The following KIF18A variants were observed in gnomAD, a reference collection of about 807,000 sequenced individuals.
The protein encoded by KIF18A is kinesin family member 18A.
In KIF18A, 67 loss-of-function variants were observed where a neutral mutation model predicts 103.3. The observed-to-expected ratio is 0.65, with a 90% CI of 0.53 to 0.79. The LOEUF is 0.79. Among genes scored for constraint, KIF18A ranks in the 30% least tolerant of loss-of-function variants. The pLI is 0.00. For synonymous variants in KIF18A, 367 were observed against 355.5 expected, an observed-to-expected ratio of 1.03 and a Z score of -0.36; for missense variants, 1,032 against 1,062.5, an observed-to-expected ratio of 0.97 and a Z score of 0.40.
chr11:28,029,329 C>T (rs1054273264), intron 15 of KIF18A, among the ~76,000 whole-genome samples: 1 of 152,114 alleles, frequency 6.6e-6, no homozygotes, highest in Non-Finnish European at 1.5e-5. Flanking sequence ...AGCTTATCCA[C>T]CATGAGCAAG....
At chr11:28,099,984 G>A (rs1316612705) in intron 1 of KIF18A, among the ~76,000 whole-genome samples, 1 of 152,144 alleles carries the variant, frequency 6.6e-6, no homozygotes, top group Non-Finnish European at 1.5e-5. Context: ...TGGCAGCAGA[G>A]GTGGTAAGTG....
At chr11:28,042,132 G>C (rs1640372506) in intron 13 of KIF18A, among the ~76,000 whole-genome samples, 1 of 151,746 alleles carries the variant, frequency 6.6e-6, no homozygotes, top group Non-Finnish European at 1.5e-5. Flanking sequence ...CTTATTCAGA[G>C]ACGATGAGTG....
rs1851187317 is a variant in KIF18A at position 28,083,203 on chromosome 11, TGA to T, written c.1113_1114del (p.Gln372IlefsTer6). 2 of 1,562,774 alleles carry T rather than the reference TGA, an allele frequency of 1.3e-6. No homozygotes were observed. The highest frequency in any genetic ancestry group is 1.7e-6 in the Non-Finnish European group (2 of 1,164,964). On this transcript the variant is annotated frameshift_variant, in exon 8 of 17. Coordinates refer to ENST00000263181, the MANE Select transcript of KIF18A (RefSeq NM_031217.4). LOFTEE classifies it high-confidence loss of function. ...CTGCTCATTACAGATCTTTACATATTGAGTTATATGATTATTGACATTAAGAA... is the reference window on the plus strand; with the variant it reads ...CTGCTCATTACAGATCTTTACATATTGTTATATGATTATTGACATTAAGAA...
At chr11:28,035,558 A>G in intron 14 of KIF18A, 64 bp from the exon 15 acceptor site, 1 of 900,204 alleles carries the variant, frequency 1.1e-6, no homozygotes. Flanking sequence ...GAGAAAAGGA[A>G]GCAAATGTGT....
intron 13 of KIF18A, among the ~76,000 whole-genome samples, chr11:28,051,741 C>A (rs1323051517): frequency 6.6e-6 from 1 of 151,984 alleles, no homozygotes; most frequent in Non-Finnish European, 1.5e-5. Flanking sequence ...TTAGTGATTT[C>A]ATCCTGTCCT....
intron 16 of KIF18A, among the ~76,000 whole-genome samples, chr11:28,021,842 T>A (rs1352125151): frequency 6.6e-6 from 1 of 152,216 alleles, no homozygotes; most frequent in Non-Finnish European, 1.5e-5. Context: ...CTCAACAAAG[T>A]GTTGTTACAA....
intron 15 of KIF18A, among the ~76,000 whole-genome samples, chr11:28,031,000 T>C (rs1850394382): frequency 6.6e-6 from 1 of 151,096 alleles, no homozygotes; most frequent in Non-Finnish European, 1.5e-5. Context: ...TCACACCAGT[T>C]AGAATGGCAA....
chr11:28,094,686 A>G lies in KIF18A; in HGVS notation c.440T>C (p.Ile147Thr). Residue 147 changes from isoleucine to threonine, a missense_variant, in exon 3 of 17, where the codon ATT becomes ACT. Coordinates refer to ENST00000263181, the MANE Select transcript of KIF18A (RefSeq NM_031217.4). ...AGTACTACATATTTTCTCTTCTTTA[A>G]TCTCATCCATGCATTTGTAAAGGTG... ...MLHLYKCMDE[I>T]KEEKICSTAV... 6.2e-7 allele frequency: 1 copy of G among 1,612,496 alleles called. No individual in the cohort carries two copies. The highest frequency in any genetic ancestry group is 8.5e-7 in the Non-Finnish European group (1 of 1,178,584).
Position 28,088,672 on chromosome 11 carries a change from C to A in KIF18A, c.749G>T (p.Arg250Leu), listed in dbSNP as rs201296776. Residue 250 changes from arginine (R) to leucine (L), a missense_variant, in exon 6 of 17, where the codon CGT (arginine) becomes CTT (leucine). Coordinates refer to ENST00000263181, the MANE Select transcript of KIF18A (RefSeq NM_031217.4). ...GTCAATGAGTGACATCTTGGCAATA[C>A]GGACATTTTGATTGATACTTGCTGT... Reference protein sequence around the residue: ...DKTASINQNVRIAKMSLIDLA... With the variant: ...DKTASINQNVLIAKMSLIDLA... The A allele has an allele frequency of 6.2e-7, 1 of 1,613,764 alleles. No individual in the cohort carries two copies. The highest frequency in any genetic ancestry group is 8.5e-7 in the Non-Finnish European group (1 of 1,179,910).
intron 11 of KIF18A, among the ~76,000 whole-genome samples, chr11:28,067,283 T>A (rs562840252): frequency 1.3e-5 from 2 of 152,238 alleles, no homozygotes; most frequent in African/African-American, 2.4e-5. Flanking sequence ...ACTAACTGAC[T>A]GGTATGCTTT....
chr11:28,026,348 G>T (rs913374326), intron 15 of KIF18A, among the ~76,000 whole-genome samples: 1 of 151,396 alleles, frequency 6.6e-6, no homozygotes, highest in Non-Finnish European at 1.5e-5. Context: ...TGTATATAAA[G>T]CTGCTAAATG....
intron 10 of KIF18A, among the ~76,000 whole-genome samples, chr11:28,069,665 T>C (rs1353106301): frequency 6.6e-6 from 1 of 151,844 alleles, no homozygotes; most frequent in Non-Finnish European, 1.5e-5. Context: ...CTTTAAGAAA[T>C]ACAACGACCA....
At chr11:28,082,092 T>C (rs950332188) in intron 9 of KIF18A, among the ~76,000 whole-genome samples, 3 of 152,138 alleles carry the variant, frequency 2.0e-5, no homozygotes, top group Admixed American at 1.3e-4. Context: ...GCTGCTTCTA[T>C]GGATAACCAA....
In KIF18A at chr11:28,059,015, G is replaced by A. The variant is rs1262099182; in HGVS notation, c.1859C>T (p.Thr620Ile). The A allele has an allele frequency of 6.2e-7, 1 of 1,613,978 alleles. No individual in the cohort carries two copies. Among genetic ancestry groups the A allele is most frequent in the African/African-American group, 1.3e-5 (1 of 74,918 alleles). Residue 620 changes from threonine (T) to isoleucine (I), a missense_variant, in exon 13 of 17, where the codon ACT becomes ATT. Physicochemically the swap from Thr to Ile is moderately conservative, Grantham distance 89. Transcript: ENST00000263181. The part of the protein sequence containing the change: ...RKKVVVWADQ[T>I]AEQPKQNDLP... ...ATCGTTTTGCTTTGGTTGTTCGGCA[G>A]TTTGGTCAGCCCAAACTACCACTTT... is the stretch of plus-strand genomic sequence containing the variant.
chr11:28,081,329 T>C (rs1851162752), intron 9 of KIF18A, among the ~76,000 whole-genome samples: 1 of 152,096 alleles, frequency 6.6e-6, no homozygotes, highest in African/African-American at 2.4e-5. Context: ...GAGAAGTAAA[T>C]ACCTACTTTC....
chr11:28,030,262 G>A (rs555702297), intron 15 of KIF18A, among the ~76,000 whole-genome samples: 1,858 of 151,322 alleles, frequency 0.012, 37 homozygotes, highest in African/African-American at 0.043. Context: ...GAGGCATCAC[G>A]CTACCTGACT....
intron 16 of KIF18A, among the ~76,000 whole-genome samples, chr11:28,022,919 C>T (rs755910891): frequency 2.0e-5 from 3 of 152,158 alleles, no homozygotes; most frequent in Admixed American, 6.5e-5. Flanking sequence ...CAATAGCTTT[C>T]ATGTTATCCT....
At chr11:28,028,376 A>C (rs1340717691) in intron 15 of KIF18A, among the ~76,000 whole-genome samples, 1 of 152,150 alleles carries the variant, frequency 6.6e-6, no homozygotes, top group Non-Finnish European at 1.5e-5. Flanking sequence ...TAAGACACTC[A>C]CTCAAAACCA....
At chr11:28,103,484 A>G (rs1279714034) in intron 1 of KIF18A, among the ~76,000 whole-genome samples, 1 of 152,108 alleles carries the variant, frequency 6.6e-6, no homozygotes, top group South Asian at 2.1e-4. Context: ...GCTAATGTAT[A>G]AAACAAAAGG....
Sources: gnomAD v4.1 joint callset for allele counts (sites outside exome capture counted in the v4.1 genomes callset) on GRCh38, gnomAD v4.1.1 for gene constraint, MANE v1.5 for transcripts, NCBI Gene and HGNC (gene_info 2026-07-23, HGNC 2026-07-21) for gene names.